The following MALRD1 variants were observed in gnomAD, a reference collection of about 807,000 sequenced individuals.
MALRD1 encodes MAM and LDL receptor class A domain containing 1.
In MALRD1, 247 loss-of-function variants were observed where a neutral mutation model predicts 242.1. The ratio of observed to expected loss-of-function variants is 1.02; its 90% CI spans 0.92 to 1.13. The LOEUF (loss-of-function observed/expected upper bound fraction) is 1.13. MALRD1 is among the 50% of genes most tolerant of loss of function. The pLI is 0.00. For synonymous variants in MALRD1, 995 were observed against 866.6 expected (o/e 1.15, Z -2.60); for missense variants, 2,989 against 2,533.1 (o/e 1.18, Z -3.86).
chr10:19,587,198 A>G (rs907799711), intron 33 of MALRD1, among the ~76,000 whole-genome samples: 2 of 152,148 alleles, frequency 1.3e-5, no homozygotes, highest in African/African-American at 4.8e-5. Context: ...TGCGTCACTC[A>G]CGCTAGGAGC....
intron 36 of MALRD1, among the ~76,000 whole-genome samples, chr10:19,680,677 T>C (rs1054726109): frequency 5.3e-5 from 8 of 152,176 alleles, no homozygotes; most frequent in Admixed American, 1.3e-4. Context: ...GATCCTGTCA[T>C]CATGATGCTA....
chr10:19,370,443 TA>T (rs1845323904), intron 26 of MALRD1, among the ~76,000 whole-genome samples: 1 of 151,632 alleles, frequency 6.6e-6, no homozygotes, highest in East Asian at 1.9e-4. Flanking sequence ...TCTATATTTT[TA>T]AAAAAATTGT....
At chr10:19,185,824 TG>T (rs753164541) in intron 14 of MALRD1, among the ~76,000 whole-genome samples, 2,157 of 151,888 alleles carry the variant, frequency 0.014, 21 homozygotes, top group Non-Finnish European at 0.021. Context: ...AGTGTGTGTG[TG>T]TGTGTGTGTG....
chr10:19,492,174 T>C (rs1035343837), intron 30 of MALRD1, among the ~76,000 whole-genome samples: 1 of 152,194 alleles, frequency 6.6e-6, no homozygotes, highest in Non-Finnish European at 1.5e-5. Flanking sequence ...TTTAAAAACA[T>C]ATATAAAACT....
In MALRD1 at chr10:19,268,083, T is replaced by C. The variant is rs1267935870; in HGVS notation, c.3079+10312T>C. 4.6e-5 allele frequency among the ~76,000 whole-genome samples: 7 copies of C among 152,184 alleles called. No individual in the cohort carries two copies. In the East Asian group the frequency reaches 1.3e-3, roughly 29 times the overall value. The stretch of plus-strand genomic sequence containing the variant: ...GCTAAATGTTAAACATGGAGAAGGT[T>C]GTCTAAATGGTTAGTTCACAGCTTG... On this transcript the variant is annotated intron_variant, in intron 19 of 39. Transcript: ENST00000454679.
At chr10:19,500,303 C>G (rs1172248851) in intron 31 of MALRD1, among the ~76,000 whole-genome samples, 17 of 152,112 alleles carry the variant, frequency 1.1e-4, no homozygotes, top group Admixed American at 1.1e-3. Flanking sequence ...TTAGTGTATA[C>G]TATAAGATGA....
chr10:19,602,060 T>C (rs2131578631), intron 34 of MALRD1, among the ~76,000 whole-genome samples: 1 of 151,978 alleles, frequency 6.6e-6, no homozygotes, highest in Non-Finnish European at 1.5e-5. Context: ...CTTGTTTTAC[T>C]GTGTATTGCT....
At chr10:19,309,006 G>T (rs1410009673) in intron 21 of MALRD1, among the ~76,000 whole-genome samples, 1 of 151,424 alleles carries the variant, frequency 6.6e-6, no homozygotes, top group Non-Finnish European at 1.5e-5. Flanking sequence ...CTGGGTTTTG[G>T]GCTTGTATTG....
chr10:19,730,015 G>A (rs1835221856), intron 38 of MALRD1, among the ~76,000 whole-genome samples: 1 of 152,112 alleles, frequency 6.6e-6, no homozygotes, highest in Admixed American at 6.5e-5. Context: ...GGGATTACAG[G>A]CGTGAGCCAC....
At chr10:19,056,158 AT>A (rs1313916694) in intron 1 of MALRD1, among the ~76,000 whole-genome samples, 1 of 151,808 alleles carries the variant, frequency 6.6e-6, no homozygotes, top group East Asian at 1.9e-4. Flanking sequence ...TTTGCTCCAG[AT>A]TGTTTTGGCT....
intron 18 of MALRD1, among the ~76,000 whole-genome samples, chr10:19,235,816 GAGA>G (rs1365271294): frequency 2.6e-5 from 4 of 152,042 alleles, no homozygotes; most frequent in African/African-American, 7.2e-5. Flanking sequence ...TTTGAAGTGG[GAGA>G]AGGAGAGGGA....
intron 31 of MALRD1, among the ~76,000 whole-genome samples, chr10:19,502,965 G>A (rs962842199): frequency 6.6e-6 from 1 of 151,960 alleles, no homozygotes; most frequent in African/African-American, 2.4e-5. Flanking sequence ...AACTTTTAGA[G>A]CTTGTGTATG....
rs932461537 is a variant in MALRD1 at position 19,730,751 on chromosome 10, C to G, written c.6360C>G (p.Tyr2120Ter). The G allele has an allele frequency of 1.3e-6, 2 of 1,536,548 alleles. No homozygotes were observed. The highest frequency in any genetic ancestry group is 3.9e-5 in the Admixed American group (2 of 50,998). ...SGNCAFVNPV[Y>*]GNWSNPEKTE... The stretch of plus-strand genomic sequence containing the variant: ...ACTGTGCCTTTGTCAATCCAGTTTA[C>G]GGGAACTGGAGCAACCCAGAGAAAA... The change falls in exon 39 of 40, where the codon TAC becomes TAG. Residue 2120 changes from tyrosine (Y) to a stop codon, truncating the protein, a stop_gained. Transcript: ENST00000454679. LOFTEE classifies it low-confidence loss of function (END_TRUNC).
intron 28 of MALRD1, among the ~76,000 whole-genome samples, chr10:19,412,044 A>G (rs1833296334): frequency 6.6e-6 from 1 of 152,242 alleles, no homozygotes; most frequent in Non-Finnish European, 1.5e-5. Context: ...CACACCTGCA[A>G]TCCCAGCACT....
At chr10:19,100,592 G>C (rs78930497) in intron 4 of MALRD1, among the ~76,000 whole-genome samples, 2,029 of 150,574 alleles carry the variant, frequency 0.013, 33 homozygotes, top group African/African-American at 0.049. Context: ...GCTTTCTTCT[G>C]GTACCACTGT....
At chr10:19,433,892 G>GCA (rs1180050893) in intron 28 of MALRD1, among the ~76,000 whole-genome samples, 1 of 151,302 alleles carries the variant, frequency 6.6e-6, no homozygotes, top group Non-Finnish European at 1.5e-5. Context: ...ACACACACGC[G>GCA]CACACACACA....
intron 39 of MALRD1, among the ~76,000 whole-genome samples, chr10:19,733,708 A>G (rs1835383567): frequency 6.8e-6 from 1 of 147,808 alleles, no homozygotes; most frequent in Non-Finnish European, 1.5e-5. Context: ...CACGTTTTAT[A>G]TTATATATAT....
At chr10:19,399,708 G>A (rs1177650907) in intron 28 of MALRD1, among the ~76,000 whole-genome samples, 2 of 152,074 alleles carry the variant, frequency 1.3e-5, no homozygotes, top group Non-Finnish European at 2.9e-5. Flanking sequence ...AATACCATTT[G>A]TAATCTTTGA....
At chr10:19,671,226 G>A (rs1312021724) in intron 36 of MALRD1, among the ~76,000 whole-genome samples, 1 of 151,978 alleles carries the variant, frequency 6.6e-6, no homozygotes, top group Admixed American at 6.6e-5. Flanking sequence ...CTTCTATTTA[G>A]TATAAATATG....
Sources: allele counts gnomAD v4.1 joint callset (sites outside exome capture counted in the v4.1 genomes callset), GRCh38; gene constraint gnomAD v4.1.1; transcripts MANE v1.5; gene names NCBI Gene and HGNC (gene_info 2026-07-23, HGNC 2026-07-21).